MICAL2: variants seen among roughly 807,000 people sequenced by gnomAD.
The protein encoded by MICAL2 is microtubule associated monooxygenase, calponin and LIM domain containing 2.
In MICAL2, 77 loss-of-function variants were observed where a neutral mutation model predicts 127.3. That is an observed-to-expected ratio of 0.60 (90% CI 0.50 to 0.73). MICAL2 has a LOEUF of 0.73. Among genes scored for constraint, MICAL2 ranks in the 30% least tolerant of loss-of-function variants. The probability of loss-of-function intolerance (pLI) is 0.00; values close to 1 mark genes in which losing one functional copy is unlikely to be tolerated. For synonymous variants in MICAL2, 570 were observed against 551.1 expected, an observed-to-expected ratio of 1.03 and a Z score of -0.48; for missense variants, 1,351 against 1,434.4, an observed-to-expected ratio of 0.94 and a Z score of 0.94.
chr11:12,162,476 A>G (rs1029674607), intron 3 of MICAL2, 57 bp downstream of exon 3: 2 of 1,592,022 alleles, frequency 1.3e-6, no homozygotes, highest in African/African-American at 1.3e-5. Context: ...GACATTTGGG[A>G]GGTTAGGAAG....
chr11:12,356,906 C>T (rs1397960232), intron 34 of MICAL2, among the ~76,000 whole-genome samples: 1 of 152,234 alleles, frequency 6.6e-6, no homozygotes, highest in African/African-American at 2.4e-5. Context: ...TTTAAGCTGG[C>T]TTCTTTCCAG....
intron 21 of MICAL2, among the ~76,000 whole-genome samples, chr11:12,245,278 AG>A (rs1240642050): frequency 2.0e-5 from 3 of 152,168 alleles, no homozygotes; most frequent in Non-Finnish European, 2.9e-5. Flanking sequence ...GCTCCCACCG[AG>A]GCTCTGTGTG....
At chr11:12,282,624 A>G (rs1863784394) in intron 2 of MICAL2, among the ~76,000 whole-genome samples, 2 of 152,230 alleles carry the variant, frequency 1.3e-5, no homozygotes, top group South Asian at 4.1e-4. Flanking sequence ...TTTGATTCTG[A>G]GTTTTCTAGC....
chr11:12,111,600 C>G (rs1849612541), intron 1 of MICAL2, among the ~76,000 whole-genome samples: 1 of 152,218 alleles, frequency 6.6e-6, no homozygotes, highest in East Asian at 1.9e-4. Flanking sequence ...ATTCTGAGGC[C>G]TGGGTTCTTA....
At chr11:12,212,985 C>T (rs1189732170) in intron 6 of MICAL2, among the ~76,000 whole-genome samples, 1 of 152,084 alleles carries the variant, frequency 6.6e-6, no homozygotes, top group Non-Finnish European at 1.5e-5. Flanking sequence ...AAGGGTACAC[C>T]CTGTGACTGC....
intron 21 of MICAL2, among the ~76,000 whole-genome samples, chr11:12,244,820 T>C (rs955856396): frequency 2.0e-5 from 3 of 152,110 alleles, no homozygotes; most frequent in African/African-American, 7.2e-5. Flanking sequence ...AAAGTATTTA[T>C]GGGGGCATGG....
chr11:12,176,718 A>G (rs1193798814), intron 3 of MICAL2, among the ~76,000 whole-genome samples: 1 of 152,202 alleles, frequency 6.6e-6, no homozygotes, highest in South Asian at 2.1e-4. Context: ...ATATGAGTGG[A>G]ATAATATAGT....
chr11:12,222,237 T>C (rs1590432419), intron 10 of MICAL2, among the ~76,000 whole-genome samples: 1 of 152,112 alleles, frequency 6.6e-6, no homozygotes, highest in African/African-American at 2.4e-5. Context: ...AGGTCAGGGC[T>C]GGCGGGCGGA....
chr11:12,188,417 AC>A (rs1458463986), intron 3 of MICAL2, among the ~76,000 whole-genome samples: 1 of 152,056 alleles, frequency 6.6e-6, no homozygotes, highest in African/African-American at 2.4e-5. Context: ...ATATTTGAAG[AC>A]TTTTTTTTAT....
chr11:12,317,535 A>G (rs1316252350), intron 29 of MICAL2, among the ~76,000 whole-genome samples: 2 of 152,164 alleles, frequency 1.3e-5, no homozygotes, highest in Non-Finnish European at 2.9e-5. Context: ...GCTCACACCT[A>G]TAATCCCAGC....
intron 32 of MICAL2, among the ~76,000 whole-genome samples, chr11:12,337,180 C>G (rs573163322): frequency 0.015 from 2,237 of 152,032 alleles, 30 homozygotes; most frequent in Middle Eastern, 0.044. Context: ...GTTTAGTCTT[C>G]GGAGGGTGTA....
intron 8 of MICAL2, among the ~76,000 whole-genome samples, chr11:12,218,472 G>A (rs12292611): frequency 0.15 from 22,620 of 152,156 alleles, 1,876 homozygotes; most frequent in Non-Finnish European, 0.17. Context: ...TGCATGAGGC[G>A]TCCACGCCAG....
chr11:12,122,787 G>C (rs765083284), intron 1 of MICAL2, among the ~76,000 whole-genome samples: 10 of 152,158 alleles, frequency 6.6e-5, no homozygotes, highest in African/African-American at 2.4e-4. Flanking sequence ...GCCACCTTTC[G>C]CTTCCTGGTG....
chr11:12,135,755 C>A (rs1048719887), intron 1 of MICAL2, among the ~76,000 whole-genome samples: 1 of 152,096 alleles, frequency 6.6e-6, no homozygotes, highest in Non-Finnish European at 1.5e-5. Context: ...TTCTCTTGCT[C>A]TGTCTGCAGC....
At chr11:12,347,881 C>G (rs150633065) in intron 32 of MICAL2, among the ~76,000 whole-genome samples, 1 of 152,030 alleles carries the variant, frequency 6.6e-6, no homozygotes, top group Non-Finnish European at 1.5e-5. Flanking sequence ...AGGCCAGGCA[C>G]GGTGGCTCAC....
chr11:12,354,563 G>A (rs1362838422), intron 33 of MICAL2, among the ~76,000 whole-genome samples: 1 of 152,054 alleles, frequency 6.6e-6, no homozygotes, highest in Admixed American at 6.5e-5. Context: ...ACTTGGACCT[G>A]GGGGGCGAAG....
At chr11:12,148,657 C>A (rs1220374337) in intron 2 of MICAL2, among the ~76,000 whole-genome samples, 1 of 152,162 alleles carries the variant, frequency 6.6e-6, no homozygotes, top group Non-Finnish European at 1.5e-5. Context: ...TATTGAGCAC[C>A]CACCATTGTC....
At chr11:12,282,173 T>G (rs752365446) in intron 2 of MICAL2, among the ~76,000 whole-genome samples, 2 of 152,230 alleles carry the variant, frequency 1.3e-5, no homozygotes, top group Non-Finnish European at 2.9e-5. Flanking sequence ...CTAGAAATGT[T>G]GAATTTTACC....
intron 15 of MICAL2, among the ~76,000 whole-genome samples, chr11:12,228,892 C>G (rs1473506861): frequency 6.6e-6 from 1 of 152,064 alleles, no homozygotes; most frequent in Non-Finnish European, 1.5e-5. Context: ...GAGAATAGGA[C>G]CAGAGTGAAG....
Sources: allele counts gnomAD v4.1 joint callset (sites outside exome capture counted in the v4.1 genomes callset), GRCh38; gene constraint gnomAD v4.1.1; transcripts MANE v1.5; gene names NCBI Gene and HGNC (gene_info 2026-07-23, HGNC 2026-07-21).